The following LRRC39 variants were observed in gnomAD, a reference collection of about 807,000 sequenced individuals.
LRRC39 encodes the protein leucine-rich repeat-containing protein 39.
LRRC39 carries 35 observed loss-of-function variants against 39.7 expected under a neutral mutation model. That is an observed-to-expected ratio of 0.88 (90% CI 0.67 to 1.17). LRRC39 has a LOEUF of 1.17. LRRC39 is among the 50% of genes most tolerant of loss of function. The pLI, the probability that LRRC39 is intolerant of heterozygous loss-of-function variation, is 0.00. For synonymous variants in LRRC39, 113 were observed against 134.1 expected (o/e 0.84, Z 1.09); for missense variants, 357 against 385.8 (o/e 0.93, Z 0.62).
chr1:100,155,250 AT>A (rs1461596189), intron 7 of LRRC39, 47 bp from the exon 8 acceptor site: 1 of 1,461,624 alleles, frequency 6.8e-7, no homozygotes, highest in Non-Finnish European at 9.1e-7. Context: ...ATATGAAAAT[AT>A]TGGTTTTGGA....
intron 1 of LRRC39, among the ~76,000 whole-genome samples, chr1:100,173,928 T>C (rs1420730323): frequency 6.6e-6 from 1 of 152,078 alleles, no homozygotes; most frequent in African/African-American, 2.4e-5. Flanking sequence ...AGAGTGAAAT[T>C]AAAGAAGGCC....
At chr1:100,167,773 T>G (rs1017565194) in intron 3 of LRRC39, among the ~76,000 whole-genome samples, 1 of 125,490 alleles carries the variant, frequency 8.0e-6, no homozygotes, top group African/African-American at 3.0e-5. Context: ...GAGTCTCCAT[T>G]TCAAAAATAA....
chr1:100,175,741 C>G (rs1252751521), intron 1 of LRRC39, among the ~76,000 whole-genome samples: 3 of 151,748 alleles, frequency 2.0e-5, no homozygotes, highest in Non-Finnish European at 4.4e-5. Flanking sequence ...AAATAAAATC[C>G]AAATGGTAGA....
At position 100,155,101 on chromosome 1, in the gene LRRC39, G is replaced by T. The variant is rs75179131; in HGVS notation, c.762C>A (p.Asn254Lys). 697 of 1,608,304 alleles carry T rather than the reference G, an allele frequency of 4.3e-4. 4 individuals carry two copies. The East Asian group carries it at 7.8e-3, about 18-fold the overall frequency. ...ATACTGGAATATCTTGCAGTTTATT[G>T]TTGCTGAGAACAAGAGTACCCAGAT... Reference protein sequence around the residue: ...MKNLGTLVLSNNKLQDIPVCM... With the variant: ...MKNLGTLVLSKNKLQDIPVCM... Residue 254 changes from asparagine (N) to lysine (K), a missense_variant, in exon 8 of 10, where the codon AAC (asparagine) becomes AAA (lysine). Transcript: ENST00000370137.
chr1:100,162,308 TGATCTATTGCAAACATAA>T (rs889289140), intron 3 of LRRC39, among the ~76,000 whole-genome samples: 14 of 152,212 alleles, frequency 9.2e-5, no homozygotes, highest in Non-Finnish European at 1.6e-4. Flanking sequence ...TGTTGATTTT[TGATCTATTGCAAACATAA>T]GAATGATCTC....
At chr1:100,169,816 A>T (rs1479060462) in intron 2 of LRRC39, among the ~76,000 whole-genome samples, 1 of 152,154 alleles carries the variant, frequency 6.6e-6, no homozygotes, top group African/African-American at 2.4e-5. Context: ...ATCTAGAATT[A>T]GAATTGCTGG....
chr1:100,167,343 C>T (rs1026328653), intron 3 of LRRC39, among the ~76,000 whole-genome samples: 1 of 152,114 alleles, frequency 6.6e-6, no homozygotes, highest in Non-Finnish European at 1.5e-5. Flanking sequence ...AAAAAGCTGA[C>T]TTTTAAAAGA....
intron 8 of LRRC39, among the ~76,000 whole-genome samples, 154 bp downstream of exon 8, chr1:100,154,897 C>T (rs758292665): frequency 2.1e-4 from 32 of 152,206 alleles, no homozygotes; most frequent in Admixed American, 8.5e-4. Flanking sequence ...TCCTATTCAT[C>T]AAATTATAGA....
chr1:100,152,784 T>G (rs1017964142), intron 8 of LRRC39, among the ~76,000 whole-genome samples: 2 of 152,160 alleles, frequency 1.3e-5, no homozygotes, highest in East Asian at 3.8e-4. Flanking sequence ...TGGAGTGTAG[T>G]GGCATGATCT....
At position 100,148,870 on chromosome 1, in the gene LRRC39, A is replaced by G. The variant is rs1329266103; in HGVS notation, c.*172T>C. Reference sequence around the variant, plus strand: ...TGTCTTCCACCAAAAAAAATTTTTTAATTATATTTTTATATCAAAAAAATA... The same window carrying G: ...TGTCTTCCACCAAAAAAAATTTTTTGATTATATTTTTATATCAAAAAAATA... On this transcript the variant is annotated 3_prime_UTR_variant, in exon 10 of 10. Transcript: ENST00000370137. 7.2e-6 allele frequency: 9 copies of G among 1,242,164 alleles called. No homozygotes were observed. The highest frequency in any genetic ancestry group is 9.4e-6 in the Non-Finnish European group (9 of 961,572). 76.9% of individuals were successfully genotyped at this position (1,242,164 alleles called of 1,614,324 possible). A position where few individuals can be genotyped will look rare whatever the true frequency, so the allele number is the denominator to read the frequency against.
rs773979041 is a variant in LRRC39 at position 100,152,529 on chromosome 1, A to C, written c.813-5T>G. ...TTGTCTCTGAAGTTGACAAACCTAGAAGTTCATCAAAAAACAGTATTTTTA... is the reference window on the plus strand; with the variant it reads ...TTGTCTCTGAAGTTGACAAACCTAGCAGTTCATCAAAAAACAGTATTTTTA... On this transcript the variant is annotated splice_polypyrimidine_tract_variant and splice_region_variant and intron_variant, in intron 8 of 9. Transcript: ENST00000370137. The C allele has an allele frequency of 6.2e-7, 1 of 1,612,648 alleles. No individual in the cohort carries two copies. The highest frequency in any genetic ancestry group is 8.5e-7 in the Non-Finnish European group (1 of 1,179,498).
chr1:100,159,567 C>A, intron 4 of LRRC39, 152 bp from the exon 5 acceptor site: 1 of 401,598 alleles, frequency 2.5e-6, no homozygotes, highest in Non-Finnish European at 4.2e-6. Flanking sequence ...CTTTGTGTGA[C>A]TTCCGGATTT....
chr1:100,152,645 G>C, intron 8 of LRRC39, 121 bp from the exon 9 acceptor site: 5 of 996,504 alleles, frequency 5.0e-6, no homozygotes. Flanking sequence ...TTCAATAACT[G>C]AACGACTTGG....
At position 100,155,072 on chromosome 1, in the gene LRRC39, A is replaced by G. The variant is rs373259808; in HGVS notation, c.791T>C (p.Met264Thr). 1.3e-6 allele frequency: 2 copies of G among 1,588,594 alleles called. No homozygotes were observed. Among genetic ancestry groups the G allele is most frequent in the Non-Finnish European group, 1.7e-6 (2 of 1,171,958 alleles). ...NNKLQDIPVCMEEMANLRFVN... is the reference protein window; with the variant it reads ...NNKLQDIPVCTEEMANLRFVN... ...TTACCTCAGATTTGCCATTTCTTCC[A>G]TGCATACTGGAATATCTTGCAGTTT... is the stretch of plus-strand genomic sequence containing the variant. The change falls in exon 8 of 10, where the codon ATG (methionine) becomes ACG (threonine). Residue 264 changes from methionine (M) to threonine (T), a missense_variant. Met to Thr is a moderately conservative substitution (Grantham distance 81, BLOSUM62 -1). Transcript: ENST00000370137.
intron 1 of LRRC39, among the ~76,000 whole-genome samples, chr1:100,177,584 C>T (rs553071966): frequency 7.2e-5 from 11 of 152,302 alleles, no homozygotes; most frequent in African/African-American, 2.4e-4. Context: ...AACCAATTTA[C>T]AATTTATTGT....
At chr1:100,149,467 A>G (rs1196334875) in intron 9 of LRRC39, 2 of 1,526,656 alleles carry the variant, frequency 1.3e-6, no homozygotes, top group Non-Finnish European at 1.8e-6. Flanking sequence ...TATTTCACTT[A>G]ATTATTTTGT....
chr1:100,163,987 C>A (rs1659059810), intron 3 of LRRC39, among the ~76,000 whole-genome samples: 1 of 152,026 alleles, frequency 6.6e-6, no homozygotes, highest in South Asian at 2.1e-4. Flanking sequence ...GCAGGAGAAT[C>A]ACTTGAACCC....
At chr1:100,150,056 C>G (rs752927920) in intron 9 of LRRC39, 1 of 152,230 alleles carries the variant, frequency 6.6e-6, no homozygotes, top group Non-Finnish European at 1.5e-5. Context: ...TACCTAATCT[C>G]TTTGTGCCTC....
chr1:100,162,431 G>A (rs1366386317), intron 3 of LRRC39, among the ~76,000 whole-genome samples: 1 of 152,024 alleles, frequency 6.6e-6, no homozygotes, highest in Non-Finnish European at 1.5e-5. Context: ...GAGGCAGGTG[G>A]AGTTCGAGAC....
Sources: gnomAD v4.1 joint callset for allele counts (sites outside exome capture counted in the v4.1 genomes callset) on GRCh38, gnomAD v4.1.1 for gene constraint, MANE v1.5 for transcripts, NCBI Gene and HGNC (gene_info 2026-07-23, HGNC 2026-07-21) for gene names.